Variants in BMERB1 observed in about 807,000 individuals in gnomAD.
BMERB1 encodes the protein bMERB domain-containing protein 1.
Under a neutral mutation model 23.6 loss-of-function variants are expected in BMERB1, and 12 were observed. The ratio of observed to expected loss-of-function variants is 0.51; its 90% CI spans 0.33 to 0.82. BMERB1 has a LOEUF of 0.82. BMERB1 is among the 40% of genes least tolerant of loss of function. The pLI, the probability that BMERB1 is intolerant of heterozygous loss-of-function variation, is 0.03. For missense variants in BMERB1, 247 were observed against 255.4 expected (o/e 0.97, Z 0.22); for synonymous variants, 122 against 96.6 (o/e 1.26, Z -1.54).
intron 2 of BMERB1, among the ~76,000 whole-genome samples, chr16:15,566,478 A>C (rs964228415): frequency 2.0e-5 from 3 of 152,188 alleles, no homozygotes; most frequent in African/African-American, 7.2e-5. Context: ...GGAATAGTTA[A>C]ATAAATTATA....
chr16:15,551,179 TG>T (rs1282536842), intron 2 of BMERB1, among the ~76,000 whole-genome samples: 3 of 152,222 alleles, frequency 2.0e-5, no homozygotes, highest in Non-Finnish European at 4.4e-5. Flanking sequence ...ATTGCCCTCG[TG>T]GTGTCTATCA....
At chr16:15,559,426 A>G (rs1298065247) in intron 2 of BMERB1, among the ~76,000 whole-genome samples, 1 of 152,172 alleles carries the variant, frequency 6.6e-6, no homozygotes, top group Non-Finnish European at 1.5e-5. Flanking sequence ...ACACGGTGAA[A>G]TTGTCAAGAG....
At chr16:15,463,032 G>A (rs1484785150) in intron 1 of BMERB1, among the ~76,000 whole-genome samples, 4 of 151,948 alleles carry the variant, frequency 2.6e-5, no homozygotes, top group African/African-American at 9.7e-5. Context: ...TTTATATAAA[G>A]TGCAGCAAAA....
chr16:15,502,402 G>A (rs2051539995), intron 1 of BMERB1: 1 of 1,525,726 alleles, frequency 6.6e-7, no homozygotes, highest in East Asian at 2.5e-5. Context: ...GGGGCCCAGT[G>A]GCATCCTCTC....
intron 1 of BMERB1, among the ~76,000 whole-genome samples, chr16:15,462,211 G>A (rs957965939): frequency 7.4e-6 from 1 of 135,898 alleles, no homozygotes; most frequent in Non-Finnish European, 1.5e-5. Context: ...GAGTGCAATG[G>A]CGCCATCTTG....
chr16:15,557,214 G>A (rs886728490), intron 2 of BMERB1, among the ~76,000 whole-genome samples: 1 of 152,128 alleles, frequency 6.6e-6, no homozygotes, highest in Non-Finnish European at 1.5e-5. Context: ...GAATGACACG[G>A]GTTGGCTTTC....
At chr16:15,554,014 T>C (rs985568013) in intron 2 of BMERB1, among the ~76,000 whole-genome samples, 1 of 152,196 alleles carries the variant, frequency 6.6e-6, no homozygotes, top group African/African-American at 2.4e-5. Flanking sequence ...TTGGGCAGAC[T>C]CTTCATTGTC....
chr16:15,533,244 G>A (rs2051987183), intron 2 of BMERB1: 1 of 212,848 alleles, frequency 4.7e-6, no homozygotes, highest in Non-Finnish European at 9.7e-6. Flanking sequence ...TTTGGAAGAG[G>A]AGACACAAGA....
chr16:15,516,872 G>T (rs961639069), intron 2 of BMERB1, among the ~76,000 whole-genome samples: 4 of 152,094 alleles, frequency 2.6e-5, no homozygotes, highest in African/African-American at 9.7e-5. Context: ...TAGATAAAGG[G>T]TCTTGCTCTG....
chr16:15,566,589 C>G (rs2030571071), intron 2 of BMERB1, among the ~76,000 whole-genome samples: 1 of 152,100 alleles, frequency 6.6e-6, no homozygotes, highest in East Asian at 1.9e-4. Context: ...TCACTTGAAC[C>G]TGGGAGGCAG....
intron 2 of BMERB1, among the ~76,000 whole-genome samples, chr16:15,534,567 A>G (rs1476522150): frequency 6.6e-6 from 1 of 152,162 alleles, no homozygotes; most frequent in South Asian, 2.1e-4. Flanking sequence ...AAAAAAGTCA[A>G]TGTTCCAGTA....
intron 1 of BMERB1, among the ~76,000 whole-genome samples, chr16:15,473,259 C>T (rs1456889608): frequency 3.3e-5 from 5 of 151,042 alleles, no homozygotes; most frequent in African/African-American, 1.2e-4. Context: ...GTTATCATTA[C>T]CTTTCTGTTT....
chr16:15,560,848 T>C (rs1002564710), intron 2 of BMERB1, among the ~76,000 whole-genome samples: 17 of 151,348 alleles, frequency 1.1e-4, no homozygotes, highest in Admixed American at 5.9e-4. Context: ...CAAAGAAGAG[T>C]ATAAGCACTG....
At chr16:15,518,392 G>T (rs2051801202) in intron 2 of BMERB1, among the ~76,000 whole-genome samples, 1 of 152,152 alleles carries the variant, frequency 6.6e-6, no homozygotes, top group South Asian at 2.1e-4. Flanking sequence ...TGGTGATGAC[G>T]CTCCCCAACC....
At chr16:15,441,871 C>T (rs2050942136) in intron 1 of BMERB1, among the ~76,000 whole-genome samples, 1 of 152,102 alleles carries the variant, frequency 6.6e-6, no homozygotes, top group Non-Finnish European at 1.5e-5. Context: ...GGGAATAAGT[C>T]CATAGCGGGG....
At chr16:15,524,020 T>A (rs2150956902) in intron 2 of BMERB1, among the ~76,000 whole-genome samples, 1 of 152,290 alleles carries the variant, frequency 6.6e-6, no homozygotes, top group East Asian at 1.9e-4. Flanking sequence ...AAGATTTTTT[T>A]ATAAACCTGC....
chr16:15,565,917 T>C (rs531745275), intron 2 of BMERB1, among the ~76,000 whole-genome samples: 1 of 152,126 alleles, frequency 6.6e-6, no homozygotes, highest in African/African-American at 2.4e-5. Flanking sequence ...CACGGGGAAG[T>C]TATTTGAAGA....
intron 5 of BMERB1, among the ~76,000 whole-genome samples, chr16:15,585,185 C>A (rs2031111475): frequency 1.3e-5 from 2 of 152,228 alleles, no homozygotes; most frequent in African/African-American, 2.4e-5. Flanking sequence ...AGGCCAGCAT[C>A]CTCAGTGGAC....
chr16:15,558,651 A>G (rs753697733), intron 2 of BMERB1, among the ~76,000 whole-genome samples: 2 of 152,064 alleles, frequency 1.3e-5, no homozygotes, highest in Admixed American at 6.5e-5. Flanking sequence ...AGCGACATAT[A>G]TGTGACATAT....
Sources: allele counts gnomAD v4.1 joint callset (sites outside exome capture counted in the v4.1 genomes callset), GRCh38; gene constraint gnomAD v4.1.1; transcripts MANE v1.5; gene names NCBI Gene and HGNC (gene_info 2026-07-23, HGNC 2026-07-21).